The following DGKI variants were observed in gnomAD, a reference collection of about 807,000 sequenced individuals.
DGKI encodes DAG kinase iota.
In DGKI, 55 loss-of-function variants were observed where a neutral mutation model predicts 147.5. The ratio of observed to expected loss-of-function variants is 0.37; its 90% CI spans 0.30 to 0.47. The LOEUF (loss-of-function observed/expected upper bound fraction) is 0.47. DGKI is among the 20% of genes least tolerant of loss of function. DGKI has a pLI of 1.00. For missense variants in DGKI, 1,007 were observed against 1,323.8 expected, an observed-to-expected ratio of 0.76 and a Z score of 3.71; for synonymous variants, 469 against 477.1, an observed-to-expected ratio of 0.98 and a Z score of 0.22.
At chr7:137,458,885 A>T (rs183260899) in intron 27 of DGKI, among the ~76,000 whole-genome samples, 2 of 152,176 alleles carry the variant, frequency 1.3e-5, no homozygotes, top group African/African-American at 2.4e-5. Flanking sequence ...ACTGAAAAAA[A>T]ATTTTTTTAA....
At chr7:137,682,354 C>A (rs190802959) in intron 2 of DGKI, among the ~76,000 whole-genome samples, 1 of 152,058 alleles carries the variant, frequency 6.6e-6, no homozygotes, top group African/African-American at 2.4e-5. Context: ...AGACTTATTG[C>A]CCAATAGTTG....
intron 1 of DGKI, among the ~76,000 whole-genome samples, chr7:137,775,976 A>G (rs1796350478): frequency 6.6e-6 from 1 of 151,696 alleles, no homozygotes; most frequent in African/African-American, 2.4e-5. Context: ...CTCCTGCTTC[A>G]GCCTCCCGAG....
chr7:137,527,528 T>C (rs1817193754), intron 20 of DGKI, among the ~76,000 whole-genome samples: 1 of 152,164 alleles, frequency 6.6e-6, no homozygotes, highest in East Asian at 1.9e-4. Flanking sequence ...TGAATATAAA[T>C]CTTAACTCAT....
At chr7:137,523,160 G>A (rs1817023044) in intron 20 of DGKI, among the ~76,000 whole-genome samples, 1 of 151,674 alleles carries the variant, frequency 6.6e-6, no homozygotes, top group African/African-American at 2.4e-5. Flanking sequence ...ATGAAAGAAG[G>A]GAATACTGTG....
At chr7:137,544,927 C>T (rs1180361112) in intron 20 of DGKI, among the ~76,000 whole-genome samples, 2 of 152,116 alleles carry the variant, frequency 1.3e-5, no homozygotes, top group African/African-American at 4.8e-5. Context: ...TTAACTCTGA[C>T]AGCAAGAATC....
intron 3 of DGKI, among the ~76,000 whole-genome samples, chr7:137,667,629 T>C (rs574842635): frequency 6.6e-6 from 1 of 152,306 alleles, no homozygotes; most frequent in South Asian, 2.1e-4. Flanking sequence ...ACCAAAAATT[T>C]AGAGATATTT....
At chr7:137,525,482 A>AC (rs1817111888) in intron 20 of DGKI, among the ~76,000 whole-genome samples, 1 of 152,178 alleles carries the variant, frequency 6.6e-6, no homozygotes, top group Non-Finnish European at 1.5e-5. Flanking sequence ...CCTGGTGTAA[A>AC]CAGCAGGTAT....
Position 137,472,258 on chromosome 7 carries a change from T to TATGTATATATACATATAA in DGKI, c.2374-2640_2374-2639insTTATATGTATATATACAT, listed in dbSNP as rs1438582289. On this transcript the variant is annotated intron_variant, in intron 23 of 32. Transcript: ENST00000614521. ...AATATATGTATATATACACATAATA[T>TATGTATATATACATATAA]TATATGTATATATACATATAATATT... Among the ~76,000 whole-genome samples the TATGTATATATACATATAA allele has an allele frequency of 9.7e-4, 107 of 109,856 alleles. 1 individual carries two copies. Among genetic ancestry groups the TATGTATATATACATATAA allele is most frequent in the African/African-American group, 4.4e-3 (105 of 24,074 alleles). 72.1% of individuals were successfully genotyped at this position (109,856 alleles called of 152,430 possible).
chr7:137,806,969 C>T (rs1797391747), intron 1 of DGKI, among the ~76,000 whole-genome samples: 1 of 152,238 alleles, frequency 6.6e-6, no homozygotes, highest in Non-Finnish European at 1.5e-5. Context: ...CAGGTAATTG[C>T]TTCATCCACT....
rs1279617122 is a variant in DGKI at position 137,571,290 on chromosome 7, CAAGAG to C, written c.1836-9_1836-5del. ...GGGCATTGTGCCAGCACAATATCTG[CAAGAG>C]AAGATTAAAGACAGAAGTAAATATG... On this transcript the variant is annotated splice_polypyrimidine_tract_variant and splice_region_variant and intron_variant, in intron 18 of 32. Coordinates refer to ENST00000614521, the MANE Select transcript of DGKI (RefSeq NM_001321708.2). The C allele has an allele frequency of 1.2e-6, 2 of 1,603,026 alleles. No homozygotes were observed. Among genetic ancestry groups the C allele is most frequent in the East Asian group, 4.5e-5 (2 of 44,780 alleles).
intron 1 of DGKI, among the ~76,000 whole-genome samples, chr7:137,791,888 T>C (rs917258063): frequency 6.6e-6 from 1 of 152,230 alleles, no homozygotes; most frequent in Non-Finnish European, 1.5e-5. Flanking sequence ...TTAAGTCTTA[T>C]GTACACATGC....
chr7:137,459,753 C>A (rs1328525982), intron 27 of DGKI, among the ~76,000 whole-genome samples: 7 of 152,054 alleles, frequency 4.6e-5, no homozygotes, highest in Admixed American at 3.9e-4. Context: ...GGATTACAGG[C>A]GTGAGCCACT....
chr7:137,665,995 G>A (rs139247648), intron 3 of DGKI, among the ~76,000 whole-genome samples: 35 of 152,238 alleles, frequency 2.3e-4, no homozygotes, highest in African/African-American at 8.2e-4. Flanking sequence ...CAAAGCTAAC[G>A]TTCATGACTG....
intron 1 of DGKI, among the ~76,000 whole-genome samples, chr7:137,731,413 T>C (rs997490600): frequency 6.6e-6 from 1 of 152,096 alleles, no homozygotes; most frequent in African/African-American, 2.4e-5. Context: ...ACATACTAGG[T>C]ACTAAAAATA....
chr7:137,608,278 T>A (rs529935791), intron 10 of DGKI, among the ~76,000 whole-genome samples: 3 of 152,286 alleles, frequency 2.0e-5, no homozygotes, highest in African/African-American at 7.2e-5. Flanking sequence ...TAGAAGAGTA[T>A]TGATAAGAAG....
intron 1 of DGKI, among the ~76,000 whole-genome samples, chr7:137,798,897 C>T (rs770913794): frequency 1.3e-5 from 2 of 152,098 alleles, no homozygotes; most frequent in Non-Finnish European, 2.9e-5. Context: ...AGTGACCAAA[C>T]CCACATGATC....
rs1811148753 is a variant in DGKI, at chr7:137,385,221, T to C, written c.*5999A>G. ...TTACACCTTTTAGTATGTTTTCTTT[T>C]GACTAGCTCTTAAATTCATGCTTAG... On this transcript the variant is annotated 3_prime_UTR_variant, in exon 33 of 33. Coordinates refer to ENST00000614521, the MANE Select transcript of DGKI (RefSeq NM_001321708.2). The C allele has an allele frequency of 6.6e-6, 1 of 152,106 alleles. No homozygotes were observed. 9.4% of individuals were successfully genotyped at this position (152,106 alleles called of 1,614,324 possible). A position where few individuals can be genotyped will look rare whatever the true frequency, so the allele number is the denominator to read the frequency against.
chr7:137,831,234 A>G (rs1259661674), intron 1 of DGKI, among the ~76,000 whole-genome samples: 5 of 152,202 alleles, frequency 3.3e-5, no homozygotes, highest in Non-Finnish European at 5.9e-5. Context: ...TAAACCACCT[A>G]GTTAACTTAA....
chr7:137,407,969 G>C lies in DGKI; in HGVS notation c.2826C>G (p.Gly942=), dbSNP rs1397913979. Residue 942 remains glycine, a synonymous_variant, in exon 30 of 33, where the codon GGC becomes GGG. Transcript: ENST00000614521. ...MKLIESYKNG[G]SLLIQGPDHC... ...GGTCTGGTCCCTGAATTAGCAGACTGCCTCCATTTTTATAGCTTTCTATTA... is the reference window on the plus strand; with the variant it reads ...GGTCTGGTCCCTGAATTAGCAGACTCCCTCCATTTTTATAGCTTTCTATTA... The C allele has an allele frequency of 2.5e-6, 4 of 1,607,568 alleles. No homozygotes were observed. The African/African-American group carries it at 5.5e-5, about 22-fold the overall frequency.
Sources: gnomAD v4.1 joint callset for allele counts (sites outside exome capture counted in the v4.1 genomes callset) on GRCh38, gnomAD v4.1.1 for gene constraint, MANE v1.5 for transcripts, NCBI Gene and HGNC (gene_info 2026-07-23, HGNC 2026-07-21) for gene names.